WWOX: variants seen among roughly 807,000 people sequenced by gnomAD.
WWOX encodes the protein WW domain containing oxidoreductase.
WWOX carries 69 observed loss-of-function variants against 46.2 expected under a neutral mutation model. The observed-to-expected ratio is 1.49, with a 90% CI of 1.23 to 1.82. The LOEUF (loss-of-function observed/expected upper bound fraction) is 1.82, where lower values mean the gene tolerates loss of function less well. Among genes scored for constraint, WWOX ranks in the 40% most tolerant of loss-of-function variants. WWOX has a pLI of 0.00. For synonymous variants in WWOX, 359 were observed against 202.6 expected, an observed-to-expected ratio of 1.77 and a Z score of -6.56; for missense variants, 919 against 542.6, an observed-to-expected ratio of 1.69 and a Z score of -6.89.
intron 8 of WWOX, among the ~76,000 whole-genome samples, chr16:78,440,275 C>T (rs1310557943): frequency 6.6e-6 from 1 of 152,184 alleles, no homozygotes. Context: ...CGGTCCCCAT[C>T]CACTTGACCC....
chr16:78,388,112 A>T (rs529478885), intron 6 of WWOX, among the ~76,000 whole-genome samples: 1 of 152,120 alleles, frequency 6.6e-6, no homozygotes, highest in Non-Finnish European at 1.5e-5. Flanking sequence ...CCTTAATGCA[A>T]CGTCCCACTG....
intron 8 of WWOX, among the ~76,000 whole-genome samples, chr16:78,745,673 A>G (rs75220662): frequency 6.6e-6 from 1 of 151,214 alleles, no homozygotes; most frequent in Non-Finnish European, 1.5e-5. Flanking sequence ...TCAGCACATA[A>G]ATTTTCATAG....
intron 8 of WWOX, among the ~76,000 whole-genome samples, chr16:78,965,628 G>C (rs2046350609): frequency 1.3e-5 from 2 of 151,508 alleles, no homozygotes; most frequent in South Asian, 4.2e-4. Context: ...TCCACTAGAA[G>C]ATTCTGGCAC....
chr16:79,100,528 C>T (rs189187356), intron 8 of WWOX, among the ~76,000 whole-genome samples: 20 of 152,262 alleles, frequency 1.3e-4, no homozygotes, highest in African/African-American at 2.6e-4. Context: ...CTGAATACCC[C>T]GTTAGTTCCA....
At chr16:78,331,416 T>C (rs1170645425) in intron 5 of WWOX, among the ~76,000 whole-genome samples, 2 of 152,254 alleles carry the variant, frequency 1.3e-5, no homozygotes, top group African/African-American at 4.8e-5. Context: ...TACATTCTAA[T>C]ACAGATTACT....
At chr16:78,760,298 C>T (rs2049760171) in intron 8 of WWOX, among the ~76,000 whole-genome samples, 1 of 152,140 alleles carries the variant, frequency 6.6e-6, no homozygotes. Context: ...CAATTATCTC[C>T]CACCAGGGTC....
Position 78,386,853 on chromosome 16 carries a change from A to G in WWOX, c.517-7A>G. 1.2e-6 allele frequency: 2 copies of G among 1,612,436 alleles called. No individual in the cohort carries two copies. Among genetic ancestry groups the G allele is most frequent in the Non-Finnish European group, 1.7e-6 (2 of 1,178,522 alleles). On this transcript the variant is annotated splice_polypyrimidine_tract_variant and splice_region_variant and intron_variant, in intron 5 of 8. Transcript: ENST00000566780. ...TTATCATTTCTTTTTATTTTCTCTC[A>G]TTGCAGCATAAAGCCAAGGTAGAAG...
chr16:78,355,425 A>T (rs1056744160), intron 5 of WWOX: 5 of 295,400 alleles, frequency 1.7e-5, no homozygotes, highest in Non-Finnish European at 2.6e-5. Context: ...ACACGGTGAA[A>T]CCGTGTCTCT....
rs139674414 is a variant in WWOX at position 78,763,756 on chromosome 16, C to T, written c.1056+331004C>T. Among the ~76,000 whole-genome samples the T allele has an allele frequency of 3.3e-5, 5 of 152,284 alleles. No homozygotes were observed. The East Asian group carries it at 9.7e-4, about 29-fold the overall frequency. ...CAATTCCTTTTGATTCTTCTTTTCA[C>T]CCATCTCATGTTGACTTAATTTCTC... On this transcript the variant is annotated intron_variant, in intron 8 of 8. Transcript: ENST00000566780.
chr16:78,177,956 C>A (rs1388837693), intron 5 of WWOX, among the ~76,000 whole-genome samples: 1 of 152,188 alleles, frequency 6.6e-6, no homozygotes, highest in Admixed American at 6.5e-5. Context: ...TCATCCCTTT[C>A]AATAGTTCCT....
chr16:78,185,789 C>T (rs538826035), intron 5 of WWOX, among the ~76,000 whole-genome samples: 1 of 152,258 alleles, frequency 6.6e-6, no homozygotes, highest in Admixed American at 6.5e-5. Context: ...GTCTCAGCCT[C>T]CAGAGTAGCT....
intron 8 of WWOX, among the ~76,000 whole-genome samples, chr16:79,096,542 G>A (rs914967360): frequency 6.6e-6 from 1 of 152,070 alleles, no homozygotes; most frequent in Non-Finnish European, 1.5e-5. Context: ...TGTTACCTTC[G>A]GAGGAAGCCT....
At chr16:78,441,488 C>A (rs1204735743) in intron 8 of WWOX, among the ~76,000 whole-genome samples, 1 of 152,050 alleles carries the variant, frequency 6.6e-6, no homozygotes, top group Non-Finnish European at 1.5e-5. Context: ...CACAGCAAGC[C>A]CCCAAGGTCC....
intron 5 of WWOX, among the ~76,000 whole-genome samples, chr16:78,210,550 C>T (rs28529286): frequency 0.091 from 13,890 of 152,184 alleles, 688 homozygotes; most frequent in East Asian, 0.14. Flanking sequence ...TTCTCTGTCT[C>T]TCATAAGGAA....
At chr16:78,600,228 G>A (rs2151615645) in intron 8 of WWOX, among the ~76,000 whole-genome samples, 1 of 152,142 alleles carries the variant, frequency 6.6e-6, no homozygotes, top group Admixed American at 6.5e-5. Flanking sequence ...CAACACATGG[G>A]AATTGTGGGA....
At chr16:79,163,816 A>AAAAAAAAAAG (rs1294854077) in intron 8 of WWOX, among the ~76,000 whole-genome samples, 4 of 124,528 alleles carry the variant, frequency 3.2e-5, no homozygotes, top group African/African-American at 7.3e-5. Context: ...AAAAAAAAAA[A>AAAAAAAAAAG]AGAGAGAGAG....
intron 8 of WWOX, among the ~76,000 whole-genome samples, chr16:78,931,225 C>T (rs1023503147): frequency 2.6e-5 from 4 of 152,114 alleles, no homozygotes; most frequent in African/African-American, 7.2e-5. Flanking sequence ...TGACAAGACC[C>T]TGGAGATGCT....
chr16:79,211,230 C>T (rs183249379), intron 8 of WWOX, among the ~76,000 whole-genome samples: 18 of 152,242 alleles, frequency 1.2e-4, no homozygotes, highest in Admixed American at 7.8e-4. Flanking sequence ...TATCGAATTA[C>T]ATTATACATG....
At chr16:79,069,179 G>A (rs1487578106) in intron 8 of WWOX, among the ~76,000 whole-genome samples, 3 of 152,178 alleles carry the variant, frequency 2.0e-5, no homozygotes, top group African/African-American at 7.2e-5. Context: ...ATGCACCTGG[G>A]TATCCTCTTG....
Sources: allele counts gnomAD v4.1 joint callset (sites outside exome capture counted in the v4.1 genomes callset), GRCh38; gene constraint gnomAD v4.1.1; transcripts MANE v1.5; gene names NCBI Gene and HGNC (gene_info 2026-07-23, HGNC 2026-07-21).